The following DCAF10 variants were observed in gnomAD, a reference collection of about 807,000 sequenced individuals.
The protein encoded by DCAF10 is DDB1- and CUL4-associated factor 10.
DCAF10 carries 19 observed loss-of-function variants against 51.9 expected under a neutral mutation model. The observed-to-expected ratio is 0.37, with a 90% CI of 0.26 to 0.54. DCAF10 has a LOEUF of 0.54. Ranked by LOEUF, DCAF10 falls within the 20% of genes least tolerant of loss-of-function variation. The pLI, the probability that DCAF10 is intolerant of heterozygous loss-of-function variation, is 0.87. For synonymous variants in DCAF10, 291 were observed against 297.1 expected (o/e 0.98, Z 0.21); for missense variants, 510 against 730.6 (o/e 0.70, Z 3.48).
At chr9:37,840,739 C>T (rs1279078832) in intron 2 of DCAF10, among the ~76,000 whole-genome samples, 1 of 152,022 alleles carries the variant, frequency 6.6e-6, no homozygotes, top group African/African-American at 2.4e-5. Context: ...ACAGTAATGC[C>T]CTAGGCCTTC....
chr9:37,818,064 C>T lies in DCAF10; in HGVS notation c.540-1224C>T, dbSNP rs139178367. Reference sequence around the variant, plus strand: ...CTGGAGTGCAGTAGCGTGATCTTGGCTCACTGCAACCTCCGCCTCCTGGGT... The same window carrying T: ...CTGGAGTGCAGTAGCGTGATCTTGGTTCACTGCAACCTCCGCCTCCTGGGT... On this transcript the variant is annotated intron_variant, in intron 1 of 6. Coordinates refer to ENST00000377724, the MANE Select transcript of DCAF10 (RefSeq NM_024345.5). Among the ~76,000 whole-genome samples the T allele has an allele frequency of 1.3e-3, 197 of 151,966 alleles. 1 individual carries two copies. Among genetic ancestry groups the T allele is most frequent in the African/African-American group, 4.6e-3 (190 of 41,454 alleles).
At chr9:37,814,726 C>A (rs1829475636) in intron 1 of DCAF10, among the ~76,000 whole-genome samples, 1 of 152,068 alleles carries the variant, frequency 6.6e-6, no homozygotes. Context: ...GTATCATAAC[C>A]AATAATACTG....
chr9:37,803,019 G>A (rs552474301), intron 1 of DCAF10, among the ~76,000 whole-genome samples: 1 of 152,284 alleles, frequency 6.6e-6, no homozygotes, highest in East Asian at 1.9e-4. Context: ...GAGAAGAACA[G>A]ATTTTAGAGC....
At chr9:37,825,287 G>A (rs1168336670) in intron 2 of DCAF10, among the ~76,000 whole-genome samples, 1 of 152,124 alleles carries the variant, frequency 6.6e-6, no homozygotes, top group African/African-American at 2.4e-5. Flanking sequence ...GTTCATTGCA[G>A]CACTATTCAC....
chr9:37,861,645 T>C lies in DCAF10; in HGVS notation c.*137T>C. On this transcript the variant is annotated 3_prime_UTR_variant, in exon 7 of 7. Coordinates refer to ENST00000377724, the MANE Select transcript of DCAF10 (RefSeq NM_024345.5). This position sits in a 1 kb window ranked among gnomAD's most constrained non-coding sequence, Gnocchi z 4.9. ...GGTTCTTATGGGTCCATGAACACAC[T>C]TGTGACCTTAGTACTTGGTCATCCA... 7.9e-7 allele frequency: 1 copy of C among 1,259,364 alleles called. No homozygotes were observed. Among genetic ancestry groups the C allele is most frequent in the African/African-American group, 1.5e-5 (1 of 66,302 alleles). The allele number at this position is 1,259,364 out of a possible 1,614,324, so 78.0% of individuals were successfully genotyped here.
intron 2 of DCAF10, among the ~76,000 whole-genome samples, chr9:37,828,774 A>T (rs531423970): frequency 6.6e-6 from 1 of 152,180 alleles, no homozygotes; most frequent in Non-Finnish European, 1.5e-5. Flanking sequence ...GGAAATGGAA[A>T]AGAGAGGTTT....
intron 3 of DCAF10, among the ~76,000 whole-genome samples, chr9:37,851,845 GAATAT>G (rs1830661071): frequency 6.8e-6 from 1 of 147,978 alleles, no homozygotes; most frequent in Admixed American, 6.7e-5. Context: ...AAGTTACCCA[GAATAT>G]AATATGAAAA....
chr9:37,835,896 G>T, intron 2 of DCAF10: 1 of 1,160,772 alleles, frequency 8.6e-7, no homozygotes. Context: ...CAACGTGTAG[G>T]TTTGAAAACT....
chr9:37,861,236 G>T lies in DCAF10; in HGVS notation c.1408G>T (p.Val470Leu), dbSNP rs761451489. The part of the protein sequence containing the change: ...RLTHYIEEAN[V>L]GRGYIKELCF... ...GACTCATTACATTGAAGAAGCCAATGTAGGCAGGGGTTACATCAAAGAACT... is the reference window on the plus strand; with the variant it reads ...GACTCATTACATTGAAGAAGCCAATTTAGGCAGGGGTTACATCAAAGAACT... Residue 470 changes from valine to leucine, a missense_variant, in exon 7 of 7, where the codon GTA (valine) becomes TTA (leucine). Coordinates refer to ENST00000377724, the MANE Select transcript of DCAF10 (RefSeq NM_024345.5). The surrounding 1 kb of genome is among the most constrained non-coding windows in gnomAD (Gnocchi z 4.9). 6.2e-7 allele frequency: 1 copy of T among 1,614,166 alleles called. No individual in the cohort carries two copies. Among genetic ancestry groups the T allele is most frequent in the Non-Finnish European group, 8.5e-7 (1 of 1,180,010 alleles).
Position 37,865,961 on chromosome 9 carries a change from G to T in DCAF10, c.*4453G>T, listed in dbSNP as rs1460227464. Reference sequence around the variant, plus strand: ...AAAACACTCTAAGAATCTTTTAAAAGCCTAGTGTTTCCCTTATTTGTCAGA... The same window carrying T: ...AAAACACTCTAAGAATCTTTTAAAATCCTAGTGTTTCCCTTATTTGTCAGA... On this transcript the variant is annotated 3_prime_UTR_variant, in exon 7 of 7. Transcript: ENST00000377724. 1 of 152,604 alleles carries T rather than the reference G, an allele frequency of 6.6e-6. No individual in the cohort carries two copies. The highest frequency in any genetic ancestry group is 1.5e-5 in the Non-Finnish European group (1 of 68,022). 9.5% of individuals were successfully genotyped at this position (152,604 alleles called of 1,614,324 possible).
At chr9:37,840,792 C>CGAGTT (rs1255792498) in intron 2 of DCAF10, among the ~76,000 whole-genome samples, 11 of 152,198 alleles carry the variant, frequency 7.2e-5, no homozygotes, top group African/African-American at 2.4e-4. Flanking sequence ...CAGAGCAACT[C>CGAGTT]CCACGCCTGC....
At chr9:37,859,684 C>G (rs919576958) in intron 5 of DCAF10, among the ~76,000 whole-genome samples, 1 of 152,142 alleles carries the variant, frequency 6.6e-6, no homozygotes, top group Admixed American at 6.5e-5. Context: ...TACCTTTTAC[C>G]TTTCTAGAGT....
rs1268595563 is a variant in DCAF10, at chr9:37,801,116, G to C, written c.250G>C (p.Ala84Pro). 1.3e-6 allele frequency: 2 copies of C among 1,535,238 alleles called. No homozygotes were observed. Among genetic ancestry groups the C allele is most frequent in the East Asian group, 5.1e-5 (2 of 39,108 alleles). ...PGAPESSTAS[A>P]PGEPSPPSPP... is the part of the protein sequence containing the mutation. The stretch of plus-strand genomic sequence containing the variant: ...AGCTCCGGAGTCCTCAACTGCCTCC[G>C]CCCCGGGAGAGCCGTCACCTCCCTC... Residue 84 changes from alanine (A) to proline (P), a missense_variant, in exon 1 of 7, where the codon GCC (alanine) becomes CCC (proline). Ala to Pro is a conservative substitution (Grantham distance 27). Transcript: ENST00000377724. This position sits in a 1 kb window ranked among gnomAD's most constrained non-coding sequence, Gnocchi z 5.5.
intron 1 of DCAF10, among the ~76,000 whole-genome samples, chr9:37,805,117 A>C (rs144253378): frequency 4.6e-5 from 7 of 152,342 alleles, no homozygotes; most frequent in Non-Finnish European, 8.8e-5. Flanking sequence ...ATGTATGTAC[A>C]TGTTAATCTG....
chr9:37,802,317 C>T (rs1038779974), intron 1 of DCAF10, among the ~76,000 whole-genome samples: 3 of 152,172 alleles, frequency 2.0e-5, no homozygotes, highest in African/African-American at 7.2e-5. Flanking sequence ...GATAGCCTTA[C>T]TAAATAATGC....
In DCAF10 at chr9:37,801,421, C is replaced by T. The variant is rs948228870; in HGVS notation, c.539+16C>T. 2.8e-6 allele frequency: 4 copies of T among 1,437,238 alleles called. No individual in the cohort carries two copies. The African/African-American group carries it at 4.5e-5, about 16-fold the overall frequency. The allele number at this position is 1,437,238 out of a possible 1,614,324, so 89.0% of individuals were successfully genotyped here. ...CGCCCGACGGGTAAGCGCGGCCCCT[C>T]GGAGGGCGGGCGCCCGCCTCCGCCC... On this transcript the variant is annotated intron_variant, in intron 1 of 6. Transcript: ENST00000377724. The surrounding 1 kb of genome is among the most constrained non-coding windows in gnomAD (Gnocchi z 5.5).
chr9:37,842,069 T>C lies in DCAF10; in HGVS notation c.654-20T>C, dbSNP rs748466959. The C allele has an allele frequency of 6.3e-7, 1 of 1,599,480 alleles. No homozygotes were observed. The highest frequency in any genetic ancestry group is 8.5e-7 in the Non-Finnish European group (1 of 1,174,922). ...AAAAGAGATTAAATGAACCAGGGTT[T>C]TGTTTTTCTGCTTTTATAGATTTCT... On this transcript the variant is annotated intron_variant, in intron 2 of 6. Coordinates refer to ENST00000377724, the MANE Select transcript of DCAF10 (RefSeq NM_024345.5).
In DCAF10 at chr9:37,808,815, TATA is replaced by T. The variant is rs201777652; in HGVS notation, c.539+7413_539+7415del. Among the ~76,000 whole-genome samples the T allele has an allele frequency of 6.2e-3, 778 of 125,710 alleles. 12 individuals are homozygous for T. The highest frequency in any genetic ancestry group is 0.025 in the African/African-American group (748 of 29,860). The allele number at this position is 125,710 out of a possible 152,430, so 82.5% of individuals were successfully genotyped here. Reference sequence around the variant, plus strand: ...ATATTTTTGGAAGTCAAGAGACAAGTATAATTAAAAAGATAACCAGAGACCTGG... The same window carrying T: ...ATATTTTTGGAAGTCAAGAGACAAGTATTAAAAAGATAACCAGAGACCTGG... On this transcript the variant is annotated intron_variant, in intron 1 of 6. Coordinates refer to ENST00000377724, the MANE Select transcript of DCAF10 (RefSeq NM_024345.5).
In DCAF10 at chr9:37,864,804, A is replaced by T. The variant is rs1001121279; in HGVS notation, c.*3296A>T. 3.9e-5 allele frequency: 6 copies of T among 152,130 alleles called. No individual in the cohort carries two copies. The highest frequency in any genetic ancestry group is 2.9e-5 in the Non-Finnish European group (2 of 68,026). The allele number at this position is 152,130 out of a possible 1,614,324, so 9.4% of individuals were successfully genotyped here. On this transcript the variant is annotated 3_prime_UTR_variant, in exon 7 of 7. Transcript: ENST00000377724. ...AATGATTCTTTACTATAGAGTACCT[A>T]TCATGTGTCAAATAATATACAGACT...
Sources: allele counts gnomAD v4.1 joint callset (sites outside exome capture counted in the v4.1 genomes callset), GRCh38; gene constraint gnomAD v4.1.1; non-coding constraint Gnocchi (gnomAD v3.1); transcripts MANE v1.5; gene names NCBI Gene and HGNC (gene_info 2026-07-23, HGNC 2026-07-21).